USP48: variants seen among roughly 807,000 people sequenced by gnomAD.
USP48 encodes ubiquitin carboxyl-terminal hydrolase 48.
In USP48, 43 loss-of-function variants were observed where a neutral mutation model predicts 150.7. The observed-to-expected ratio is 0.29, with a 90% CI of 0.22 to 0.37. USP48 has a LOEUF of 0.37. Among genes scored for constraint, USP48 ranks in the 10% least tolerant of loss-of-function variants. The probability of loss-of-function intolerance (pLI) is 1.00; values close to 1 mark genes in which losing one functional copy is unlikely to be tolerated. For synonymous variants in USP48, 396 were observed against 425.9 expected (o/e 0.93, Z 0.86); for missense variants, 813 against 1,249.6 (o/e 0.65, Z 5.27).
intron 24 of USP48, among the ~76,000 whole-genome samples, chr1:21,688,252 T>C (rs112993160): frequency 0.065 from 9,817 of 152,060 alleles, 430 homozygotes; most frequent in Non-Finnish European, 0.083. Context: ...GGAGTCTCCC[T>C]CTGTTGCCCA....
At position 21,765,901 on chromosome 1, in the gene USP48, CAAAAAAAAAAAAAAAAAAAAA is replaced by C. The variant is rs199539331; in HGVS notation, c.135-8139_135-8119del. ...GGGCAACAAAGTGAGACTCCATCTC[CAAAAAAAAAAAAAAAAAAAAA>C]AAAAAAAAAAAAAAAGGCAATTCAG... On this transcript the variant is annotated intron_variant, in intron 1 of 26. Coordinates refer to ENST00000308271, the MANE Select transcript of USP48 (RefSeq NM_032236.8). Among the ~76,000 whole-genome samples, 953 of 112,128 alleles carry C rather than the reference CAAAAAAAAAAAAAAAAAAAAA, an allele frequency of 8.5e-3. 34 individuals are homozygous for C. Among genetic ancestry groups the C allele is most frequent in the East Asian group, 0.084 (354 of 4,208 alleles). 73.6% of individuals were successfully genotyped at this position (112,128 alleles called of 152,430 possible).
chr1:21,679,246 T>C lies in USP48; in HGVS notation c.*171A>G, dbSNP rs1228979763. The C allele has an allele frequency of 1.0e-5, 6 of 579,206 alleles. No homozygotes were observed. Among genetic ancestry groups the C allele is most frequent in the Non-Finnish European group, 1.8e-5 (6 of 331,178 alleles). The allele number at this position is 579,206 out of a possible 1,614,324, so 35.9% of individuals were successfully genotyped here. ...AAGTCTGATGTCCATCAGTGCAATC[T>C]GCTTTATTTGACATAAGGCATTTGG... On this transcript the variant is annotated 3_prime_UTR_variant, in exon 27 of 27. Coordinates refer to ENST00000308271, the MANE Select transcript of USP48 (RefSeq NM_032236.8).
intron 1 of USP48, 95 bp from the exon 2 acceptor site, chr1:21,757,878 A>G (rs1223587251): frequency 8.6e-6 from 12 of 1,387,896 alleles, no homozygotes; most frequent in Non-Finnish European, 1.0e-5. Context: ...CTTCTCATCT[A>G]TAAATTAGCA....
chr1:21,729,351 G>T (rs1346947671), intron 10 of USP48, among the ~76,000 whole-genome samples: 2 of 151,006 alleles, frequency 1.3e-5, no homozygotes, highest in Non-Finnish European at 1.5e-5. Context: ...AAATGATTCA[G>T]ACTCAGACTG....
intron 1 of USP48, among the ~76,000 whole-genome samples, chr1:21,775,474 C>G (rs369154397): frequency 5.3e-5 from 8 of 152,250 alleles, no homozygotes; most frequent in African/African-American, 1.7e-4. Context: ...AGACTGGTCT[C>G]AAACTCCTGA....
rs79395995 is a variant in USP48, at chr1:21,714,337, G to A, written c.1963+1052C>T. On this transcript the variant is annotated intron_variant, in intron 15 of 26. Coordinates refer to ENST00000308271, the MANE Select transcript of USP48 (RefSeq NM_032236.8). ...GTCGTCCAGGCTGGAGTGCAGCGTC[G>A]TGATCATAGCTCACTCTAGCCTCAA... Among the ~76,000 whole-genome samples the A allele has an allele frequency of 5.7e-3, 864 of 152,228 alleles. 7 individuals carry two copies. Among genetic ancestry groups the A allele is most frequent in the African/African-American group, 0.019 (803 of 41,510 alleles).
chr1:21,779,047 C>T (rs2097907745), intron 1 of USP48, among the ~76,000 whole-genome samples: 1 of 151,906 alleles, frequency 6.6e-6, no homozygotes, highest in South Asian at 2.1e-4. Context: ...TCCCACAGTG[C>T]TGAGGTTACA....
rs780809115 is a variant in USP48, at chr1:21,723,928, T to C, written c.1618A>G (p.Ser540Gly). The C allele has an allele frequency of 4.3e-6, 7 of 1,614,146 alleles. No homozygotes were observed. Among genetic ancestry groups the C allele is most frequent in the Non-Finnish European group, 4.2e-6 (5 of 1,180,004 alleles). ...ISEYAADIFY[S>G]RYGGGPRLTV... ...AGTCTTGGACCTCCTCCATATCTAC[T>C]ATAGAAAATGTCAGCTGCATATTCA... Residue 540 changes from serine (S) to glycine (G), a missense_variant, in exon 12 of 27, where the codon AGT becomes GGT. By Grantham distance (56) the Ser-to-Gly change is moderately conservative. Coordinates refer to ENST00000308271, the MANE Select transcript of USP48 (RefSeq NM_032236.8).
At chr1:21,708,927 GAAAAC>G (rs2097682428) in intron 15 of USP48, among the ~76,000 whole-genome samples, 2 of 136,960 alleles carry the variant, frequency 1.5e-5, no homozygotes, top group Non-Finnish European at 1.6e-5. Context: ...GAAAAGAAAA[GAAAAC>G]AGAGTCTCAT....
In USP48 at chr1:21,753,096, C is replaced by G. The variant is rs769069503; in HGVS notation, c.436G>C (p.Glu146Gln). 3.1e-6 allele frequency: 5 copies of G among 1,609,012 alleles called. No individual in the cohort carries two copies. The highest frequency in any genetic ancestry group is 1.7e-5 in the Admixed American group (1 of 58,590). The change falls in exon 4 of 27, where the codon GAG (glutamate) becomes CAG (glutamine). Residue 146 changes from glutamate (E) to glutamine (Q), a missense_variant. By Grantham distance (29) the Glu-to-Gln change is conservative. Transcript: ENST00000308271. The stretch of plus-strand genomic sequence containing the variant: ...AAGGCAAACAAGTACTGGAGATGCT[C>G]ACAAATTGTTTGAGGCTCATAATCT... ...EKDYEPQTIC[E>Q]HLQYLFALLQ...
chr1:21,728,399 T>C (rs1053249143), intron 11 of USP48, 171 bp downstream of exon 11: 1 of 1,383,850 alleles, frequency 7.2e-7, no homozygotes, highest in African/African-American at 1.5e-5. Context: ...TAATATGGAA[T>C]GCTACACATC....
At chr1:21,729,571 T>C (rs1435287391) in intron 10 of USP48, 133 bp downstream of exon 10, 1 of 1,139,108 alleles carries the variant, frequency 8.8e-7, no homozygotes, top group Non-Finnish European at 1.2e-6. Context: ...GCAATTAATA[T>C]TTACTTTCAC....
chr1:21,732,387 G>A (rs1031255713), intron 9 of USP48, among the ~76,000 whole-genome samples: 1 of 152,148 alleles, frequency 6.6e-6, no homozygotes, highest in African/African-American at 2.4e-5. Context: ...GAGGTCCCAC[G>A]ATGGTTTCTA....
chr1:21,690,752 T>C (rs829383), intron 23 of USP48, among the ~76,000 whole-genome samples: 149,664 of 152,214 alleles, frequency 0.98, 73,626 homozygotes, highest in Non-Finnish European at 1. Flanking sequence ...TGGTCTCGAA[T>C]TCTTAGACTC....
At chr1:21,702,350 A>G (rs1045578487) in intron 21 of USP48, among the ~76,000 whole-genome samples, 4 of 152,072 alleles carry the variant, frequency 2.6e-5, no homozygotes, top group Non-Finnish European at 5.9e-5. Flanking sequence ...AAATAAATTA[A>G]TAAGATATCT....
chr1:21,780,509 C>T (rs2097911630), intron 1 of USP48, among the ~76,000 whole-genome samples: 1 of 151,912 alleles, frequency 6.6e-6, no homozygotes, highest in Admixed American at 6.6e-5. Flanking sequence ...CTGAAACCCA[C>T]CGAATTGTGC....
chr1:21,736,699 T>A, intron 8 of USP48, 74 bp from the exon 9 acceptor site: 6 of 1,245,236 alleles, frequency 4.8e-6, no homozygotes, highest in Non-Finnish European at 6.3e-6. Context: ...TGAATTGTAA[T>A]GATTACGAAT....
chr1:21,759,914 C>T (rs975724965), intron 1 of USP48, among the ~76,000 whole-genome samples: 14 of 152,278 alleles, frequency 9.2e-5, no homozygotes, highest in African/African-American at 3.4e-4. Context: ...TTTACAATGT[C>T]TCAAAGTATC....
intron 1 of USP48, among the ~76,000 whole-genome samples, chr1:21,765,981 G>A (rs1448113503): frequency 6.8e-6 from 1 of 147,410 alleles, no homozygotes; most frequent in Non-Finnish European, 1.5e-5. Flanking sequence ...CAAGCATATT[G>A]ATGGGAAGAA....
Sources: allele counts gnomAD v4.1 joint callset (sites outside exome capture counted in the v4.1 genomes callset), GRCh38; gene constraint gnomAD v4.1.1; transcripts MANE v1.5; gene names NCBI Gene and HGNC (gene_info 2026-07-23, HGNC 2026-07-21).